TUBGCP2: variants seen among roughly 807,000 people sequenced by gnomAD.
The protein encoded by TUBGCP2 is tubulin gamma complex component 2.
TUBGCP2 carries 55 observed loss-of-function variants against 92.2 expected under a neutral mutation model. The observed-to-expected ratio is 0.60, with a 90% confidence interval of 0.48 to 0.75. The LOEUF is 0.75. Among genes scored for constraint, TUBGCP2 ranks in the 30% least tolerant of loss-of-function variants. The pLI, the probability that TUBGCP2 is intolerant of heterozygous loss-of-function variation, is 0.00. For missense variants in TUBGCP2, 1,093 were observed against 1,188.9 expected, an observed-to-expected ratio of 0.92 and a Z score of 1.19; for synonymous variants, 533 against 505.2, an observed-to-expected ratio of 1.06 and a Z score of -0.74.
rs146873913 is a variant in TUBGCP2, at chr10:133,293,094, C to T, written c.969G>A (p.Lys323=). Reference sequence around the variant, plus strand: ...TGGCTGGCTGGATGTAGAACCAGAGCTTCTGCAGCGAAAGGAGGCCCTGCC... The same window carrying T: ...TGGCTGGCTGGATGTAGAACCAGAGTTTCTGCAGCGAAAGGAGGCCCTGCC... ...LHRQGLLSLQ[K]LWFYIQPAMR... The change falls in exon 7 of 18, where the codon AAG becomes AAA. Residue 323 remains lysine, a synonymous_variant. Coordinates refer to ENST00000252936, the MANE Select transcript of TUBGCP2 (RefSeq NM_006659.4). 2 of 1,613,834 alleles carry T rather than the reference C, an allele frequency of 1.2e-6. No individual in the cohort carries two copies. The highest frequency in any genetic ancestry group is 1.7e-6 in the Non-Finnish European group (2 of 1,180,030).
intron 5 of TUBGCP2, among the ~76,000 whole-genome samples, 173 bp downstream of exon 5, chr10:133,297,779 A>C (rs1847524190): frequency 6.6e-6 from 1 of 152,266 alleles, no homozygotes; most frequent in African/African-American, 2.4e-5. Flanking sequence ...GGCGGCAGCC[A>C]GTCAGCATTG....
rs1174308288 is a variant in TUBGCP2, at chr10:133,293,616, C to T, written c.770G>A (p.Arg257Lys). The change falls in exon 6 of 18, where the codon AGG becomes AAG. Residue 257 changes from arginine (R) to lysine (K), a missense_variant. Arg to Lys is a conservative substitution (Grantham distance 26). Around this residue, in one of 3 missense-constraint regions of TUBGCP2, gnomAD observed 490 missense variants for 488.5 expected, o/e 1.00. Transcript: ENST00000252936. ...LVDPNLDLSI[R>K]ELVHRILPVA... ...TGGGAGGATCCTGTGCACCAGCTCCCTGATGGACAGGTCCAGGTTGGGGTC... is the reference window on the plus strand; with the variant it reads ...TGGGAGGATCCTGTGCACCAGCTCCTTGATGGACAGGTCCAGGTTGGGGTC... The T allele has an allele frequency of 2.6e-6, 4 of 1,566,424 alleles. No individual in the cohort carries two copies. Among genetic ancestry groups the T allele is most frequent in the East Asian group, 2.4e-5 (1 of 42,198 alleles).
rs759929455 is a variant in TUBGCP2 at position 133,289,806 on chromosome 10, C to CTG, written c.1360+17_1360+18insCA. The CTG allele has an allele frequency of 6.1e-5, 98 of 1,613,366 alleles. No individual in the cohort carries two copies. The Middle Eastern group carries it at 8.5e-4, about 14-fold the overall frequency. ...GAGCTGTGCTGCGCACCCCAAGTCC[C>CTG]CGCCCGCTGCGCCGCACCTGTGCTG... is the stretch of plus-strand genomic sequence containing the variant. On this transcript the variant is annotated intron_variant, in intron 9 of 17. Coordinates refer to ENST00000252936, the MANE Select transcript of TUBGCP2 (RefSeq NM_006659.4).
intron 1 of TUBGCP2, among the ~76,000 whole-genome samples, chr10:133,305,431 G>T (rs192473758): frequency 1.3e-5 from 2 of 151,906 alleles, no homozygotes; most frequent in African/African-American, 4.8e-5. Context: ...AAATAACAGC[G>T]CAGCCAGGCA....
chr10:133,290,011 G>A, intron 8 of TUBGCP2, 42 bp from the exon 9 acceptor site: 1 of 1,599,138 alleles, frequency 6.3e-7, no homozygotes, highest in Non-Finnish European at 8.6e-7. Context: ...CAAAGCAAGG[G>A]CGCCTGAGGC....
chr10:133,310,046 C>G (rs956543324), upstream of TUBGCP2: 1 of 1,608,984 alleles, frequency 6.2e-7, no homozygotes, highest in African/African-American at 1.3e-5. Flanking sequence ...CTGCCCCCAG[C>G]TCTCGGGTGC....
At position 133,282,188 on chromosome 10, in the gene TUBGCP2, G is replaced by C. The variant is rs576077182; in HGVS notation, c.2409+35C>G. The C allele has an allele frequency of 4.3e-6, 7 of 1,610,606 alleles. No individual in the cohort carries two copies. In the East Asian group the frequency reaches 1.6e-4, roughly 36 times the overall value. On this transcript the variant is annotated intron_variant, in intron 16 of 17. Transcript: ENST00000252936. ...CAGGCTGCCGCCCAGCCGGGAGGAA[G>C]CGTCTCTCTCTGGCCAAACCTGGAG...
At chr10:133,295,417 A>C (rs1264187099) in intron 5 of TUBGCP2, 1 of 152,338 alleles carries the variant, frequency 6.6e-6, no homozygotes, top group African/African-American at 2.4e-5. Flanking sequence ...ACTGCACTCC[A>C]GCCTAGGCAA....
At chr10:133,290,160 C>T (rs943390928) in intron 8 of TUBGCP2, 191 bp from the exon 9 acceptor site, 20 of 720,396 alleles carry the variant, frequency 2.8e-5, no homozygotes, top group Non-Finnish European at 4.4e-5. Context: ...AGGGGCCGGG[C>T]ACGGTGGCTC....
chr10:133,288,878 G>C lies in TUBGCP2; in HGVS notation c.1503C>G (p.Asp501Glu), dbSNP rs771427721. Reference sequence around the variant, plus strand: ...CCAGCTCCTTCTCCTCCATCAGGAAGTCCAGCAGCACCTTGCTGGCGTAGT... The same window carrying C: ...CCAGCTCCTTCTCCTCCATCAGGAACTCCAGCAGCACCTTGCTGGCGTAGT... Reference protein sequence around the residue: ...AFNYASKVLLDFLMEEKELVA... With the variant: ...AFNYASKVLLEFLMEEKELVA... The change falls in exon 10 of 18, where the codon GAC (aspartate) becomes GAG (glutamate). Residue 501 changes from aspartate to glutamate, a missense_variant. This residue lies in a region of TUBGCP2 where 598 missense variants were observed against 675.5 expected (regional missense o/e 0.89). Coordinates refer to ENST00000252936, the MANE Select transcript of TUBGCP2 (RefSeq NM_006659.4). 1 of 1,613,810 alleles carries C rather than the reference G, an allele frequency of 6.2e-7. No homozygotes were observed. Among genetic ancestry groups the C allele is most frequent in the East Asian group, 2.2e-5 (1 of 44,880 alleles).
At position 133,283,751 on chromosome 10, in the gene TUBGCP2, G is replaced by A. The variant is rs543227837; in HGVS notation, c.2145+131C>T. On this transcript the variant is annotated intron_variant, in intron 14 of 17. Coordinates refer to ENST00000252936, the MANE Select transcript of TUBGCP2 (RefSeq NM_006659.4). ...ACTCCCTGCCTCTCCTGCACTCCCT[G>A]CGTCTCCCTGCATTCCCTGCCTCTC... 3 of 1,379,312 alleles carry A rather than the reference G, an allele frequency of 2.2e-6. No individual in the cohort carries two copies. In the East Asian group the frequency reaches 7.3e-5, roughly 33 times the overall value. The allele number at this position is 1,379,312 out of a possible 1,614,324, so 85.4% of individuals were successfully genotyped here.
At chr10:133,281,598 T>C in intron 16 of TUBGCP2, 162 bp from the exon 17 acceptor site, 1 of 951,970 alleles carries the variant, frequency 1.1e-6, no homozygotes, top group Non-Finnish European at 1.5e-6. Flanking sequence ...AAAAAAGACA[T>C]CAAAAAACAT....
chr10:133,300,309 C>T (rs1295671731), intron 2 of TUBGCP2, 196 bp from the exon 3 acceptor site: 9 of 638,704 alleles, frequency 1.4e-5, no homozygotes, highest in Admixed American at 6.4e-5. Flanking sequence ...TAGGCAGTGG[C>T]TCATGACTGT....
chr10:133,296,796 C>G (rs1847498370), intron 5 of TUBGCP2, among the ~76,000 whole-genome samples: 1 of 152,194 alleles, frequency 6.6e-6, no homozygotes, highest in South Asian at 2.1e-4. Context: ...GTTTTCCATA[C>G]TTTTCATTAA....
At chr10:133,296,075 C>G (rs1847481414) in intron 5 of TUBGCP2, 1 of 152,308 alleles carries the variant, frequency 6.6e-6, no homozygotes, top group Non-Finnish European at 1.5e-5. Flanking sequence ...GCACCTGCAC[C>G]CTGACCTGAG....
At chr10:133,301,339 G>A (rs1246138584) in intron 2 of TUBGCP2, among the ~76,000 whole-genome samples, 1 of 152,098 alleles carries the variant, frequency 6.6e-6, no homozygotes, top group East Asian at 1.9e-4. Flanking sequence ...TGGCCAGGCT[G>A]GTCTCGAACT....
At chr10:133,292,852 G>A (rs1847393126) in intron 7 of TUBGCP2, among the ~76,000 whole-genome samples, 164 bp from the exon 8 acceptor site, 3 of 152,348 alleles carry the variant, frequency 2.0e-5, no homozygotes, top group African/African-American at 7.2e-5. Context: ...GATTTCAGCT[G>A]ACCAGTAAGA....
At chr10:133,282,090 T>A in intron 16 of TUBGCP2, 133 bp downstream of exon 16, 1 of 1,402,428 alleles carries the variant, frequency 7.1e-7, no homozygotes, top group Non-Finnish European at 9.6e-7. Context: ...AAGCTAATTT[T>A]AAGTCTTTTC....
intron 1 of TUBGCP2, among the ~76,000 whole-genome samples, chr10:133,307,932 T>C (rs1047538454): frequency 1.2e-4 from 19 of 152,102 alleles, no homozygotes; most frequent in African/African-American, 4.6e-4. Flanking sequence ...AACACAGAGA[T>C]ATTTGTGTAT....
Sources: gnomAD v4.1 joint callset for allele counts (sites outside exome capture counted in the v4.1 genomes callset) on GRCh38, gnomAD v4.1.1 for gene constraint, gnomAD v4.1.1 regional missense constraint, MANE v1.5 for transcripts, NCBI Gene and HGNC (gene_info 2026-07-23, HGNC 2026-07-21) for gene names.